TNFRSF10B: variants seen among roughly 807,000 people sequenced by gnomAD.
The protein encoded by TNFRSF10B is tumor necrosis factor receptor superfamily member 10B.
Under a neutral mutation model 41.4 loss-of-function variants are expected in TNFRSF10B, and 35 were observed. The observed-to-expected ratio is 0.85, with a 90% confidence interval of 0.65 to 1.12. The LOEUF (loss-of-function observed/expected upper bound fraction) is 1.12, where lower values mean the gene tolerates loss of function less well. Among genes scored for constraint, TNFRSF10B ranks in the 50% most tolerant of loss-of-function variants. The pLI is 0.00. For synonymous variants in TNFRSF10B, 230 were observed against 215.5 expected, an observed-to-expected ratio of 1.07 and a Z score of -0.59; for missense variants, 584 against 552.7, an observed-to-expected ratio of 1.06 and a Z score of -0.57.
intron 4 of TNFRSF10B, 21 bp downstream of exon 4, chr8:23,029,589 A>G (rs1379205401): frequency 6.3e-7 from 1 of 1,596,796 alleles, no homozygotes; most frequent in Non-Finnish European, 8.5e-7. Context: ...AGCTACTGGG[A>G]GCCCCCGGCT....
intron 1 of TNFRSF10B, among the ~76,000 whole-genome samples, chr8:23,060,472 C>T (rs2128820811): frequency 6.6e-6 from 1 of 152,248 alleles, no homozygotes; most frequent in South Asian, 2.1e-4. Context: ...TTATTTCTGG[C>T]TCCTCTATTC....
intron 7 of TNFRSF10B, among the ~76,000 whole-genome samples, chr8:23,026,560 G>C (rs115589841): frequency 6.6e-6 from 1 of 152,132 alleles, no homozygotes; most frequent in Non-Finnish European, 1.5e-5. Flanking sequence ...TCTTATGTTC[G>C]AGGGAAGGAC....
chr8:23,022,288 A>G lies in TNFRSF10B; in HGVS notation c.*383T>C. The G allele has an allele frequency of 2.2e-6, 1 of 456,144 alleles. No individual in the cohort carries two copies. The highest frequency in any genetic ancestry group is 1.6e-5 in the South Asian group (1 of 64,488). 28.3% of individuals were successfully genotyped at this position (456,144 alleles called of 1,614,324 possible). On this transcript the variant is annotated 3_prime_UTR_variant, in exon 9 of 9. Coordinates refer to ENST00000276431, the MANE Select transcript of TNFRSF10B (RefSeq NM_003842.5). Reference sequence around the variant, plus strand: ...CCCACCCAAAAAAGGTTCATATCATATAGTATCAAGTGAAGTCGGACAACG... The same window carrying G: ...CCCACCCAAAAAAGGTTCATATCATGTAGTATCAAGTGAAGTCGGACAACG...
At position 23,020,403 on chromosome 8, in the gene TNFRSF10B, AAAGAATAG is replaced by A. The variant is rs1811476074; in HGVS notation, c.*2260_*2267del. ...TCATGTCGTCAGGAAGCTTACTTTA[AAAGAATAG>A]CTTGGCCTGGCTGGTGGCTCACGCC... is the stretch of plus-strand genomic sequence containing the variant. On this transcript the variant is annotated 3_prime_UTR_variant, in exon 9 of 9. Coordinates refer to ENST00000276431, the MANE Select transcript of TNFRSF10B (RefSeq NM_003842.5). The A allele has an allele frequency of 2.2e-6, 1 of 454,008 alleles. No homozygotes were observed. Among genetic ancestry groups the A allele is most frequent in the Non-Finnish European group, 4.4e-6 (1 of 226,804 alleles). 28.1% of individuals were successfully genotyped at this position (454,008 alleles called of 1,614,324 possible).
intron 1 of TNFRSF10B, among the ~76,000 whole-genome samples, chr8:23,049,205 G>C (rs1484158383): frequency 6.6e-6 from 1 of 152,150 alleles, no homozygotes; most frequent in Non-Finnish European, 1.5e-5. Context: ...TACTGACTGA[G>C]TGGTTAAGTT....
intron 1 of TNFRSF10B, among the ~76,000 whole-genome samples, chr8:23,048,477 G>A (rs1167061766): frequency 6.7e-6 from 1 of 149,602 alleles, no homozygotes; most frequent in Non-Finnish European, 1.5e-5. Flanking sequence ...CAGAAGCAGA[G>A]AATAGAATGG....
rs1563310598 is a variant in TNFRSF10B at position 23,033,620 on chromosome 8, A to AAAAAAAAG, written c.251-2749_251-2748insCTTTTTTT. On this transcript the variant is annotated intron_variant, in intron 2 of 8. Coordinates refer to ENST00000276431, the MANE Select transcript of TNFRSF10B (RefSeq NM_003842.5). Reference sequence around the variant, plus strand: ...AAAAAAAAAAAAAAAAAAAAAAAAAAAGAACCCTGGAAAAGGTAACTATTT... The same window carrying AAAAAAAAG: ...AAAAAAAAAAAAAAAAAAAAAAAAAAAAAAAAAGAGAACCCTGGAAAAGGTAACTATTT... Among the ~76,000 whole-genome samples, 14 of 107,754 alleles carry AAAAAAAAG rather than the reference A, an allele frequency of 1.3e-4. 2 individuals are homozygous for AAAAAAAAG. The highest frequency in any genetic ancestry group is 4.4e-4 in the African/African-American group (14 of 31,798). 70.7% of individuals were successfully genotyped at this position (107,754 alleles called of 152,430 possible).
At chr8:23,047,298 C>T (rs373880342) in intron 1 of TNFRSF10B, among the ~76,000 whole-genome samples, 10 of 148,108 alleles carry the variant, frequency 6.8e-5, no homozygotes, top group African/African-American at 1.7e-4. Flanking sequence ...TGGAGGTTGC[C>T]GTGAGTCAAG....
intron 2 of TNFRSF10B, among the ~76,000 whole-genome samples, chr8:23,036,327 G>A (rs1225141957): frequency 3.9e-5 from 6 of 152,182 alleles, no homozygotes; most frequent in African/African-American, 1.4e-4. Flanking sequence ...GAAGGCACAA[G>A]AAAGTTACAT....
chr8:23,020,685 CTGT>C lies in TNFRSF10B; in HGVS notation c.*1983_*1985del. On this transcript the variant is annotated 3_prime_UTR_variant, in exon 9 of 9. Transcript: ENST00000276431. ...CCAGCCTGGGCGAGAGAGTGAGATT[CTGT>C]CTCAAAAAAATTAAAAATAAAAGAA... 2.2e-6 allele frequency: 1 copy of C among 453,886 alleles called. No individual in the cohort carries two copies. The highest frequency in any genetic ancestry group is 6.9e-5 in the East Asian group (1 of 14,390). 28.1% of individuals were successfully genotyped at this position (453,886 alleles called of 1,614,324 possible). A position where few individuals can be genotyped will look rare whatever the true frequency, so the allele number is the denominator to read the frequency against.
intron 5 of TNFRSF10B, 31 bp downstream of exon 5, chr8:23,028,300 C>T (rs1245294452): frequency 1.2e-6 from 2 of 1,613,196 alleles, no homozygotes; most frequent in Non-Finnish European, 8.5e-7. Context: ...GCAGAGAGTG[C>T]CCTGTGCCCC....
In TNFRSF10B at chr8:23,022,540, G is replaced by T. The variant is rs1042090058; in HGVS notation, c.*131C>A. On this transcript the variant is annotated 3_prime_UTR_variant, in exon 9 of 9. Transcript: ENST00000276431. ...GATGTTCCATCCACTGGGTGATGTTGGATGGGAGAGTTTCTTCCAGTACCG... is the reference window on the plus strand; with the variant it reads ...GATGTTCCATCCACTGGGTGATGTTTGATGGGAGAGTTTCTTCCAGTACCG... 2 of 947,430 alleles carry T rather than the reference G, an allele frequency of 2.1e-6. No individual in the cohort carries two copies. The highest frequency in any genetic ancestry group is 1.6e-5 in the African/African-American group (1 of 61,858). 58.7% of individuals were successfully genotyped at this position (947,430 alleles called of 1,614,324 possible).
chr8:23,023,120 A>C (rs569335800), intron 8 of TNFRSF10B, 136 bp from the exon 9 acceptor site: 56 of 1,121,146 alleles, frequency 5.0e-5, no homozygotes, highest in South Asian at 2.8e-4. Flanking sequence ...TCCAGTGCCC[A>C]CCCGCTTCCC....
chr8:23,027,714 C>A lies in TNFRSF10B; in HGVS notation c.780+8G>T. ...CTGAGCCCCCAGCTCCTGGAGAAAT[C>A]AACTCACTCTGTCCACACGCTCAGG... On this transcript the variant is annotated splice_region_variant and intron_variant, in intron 6 of 8. Coordinates refer to ENST00000276431, the MANE Select transcript of TNFRSF10B (RefSeq NM_003842.5). 1 of 1,614,080 alleles carries A rather than the reference C, an allele frequency of 6.2e-7. No homozygotes were observed. Among genetic ancestry groups the A allele is most frequent in the Non-Finnish European group, 8.5e-7 (1 of 1,179,998 alleles).
In TNFRSF10B at chr8:23,057,676, G is replaced by A. The variant is rs907092501; in HGVS notation, c.144+11075C>T. ...TGAACTCCTGACCTCAGGTGAATCCGCCTACCTTGGCCTCCCAAAGTGCTG... is the reference window on the plus strand; with the variant it reads ...TGAACTCCTGACCTCAGGTGAATCCACCTACCTTGGCCTCCCAAAGTGCTG... On this transcript the variant is annotated intron_variant, in intron 1 of 8. Transcript: ENST00000276431. Among the ~76,000 whole-genome samples, 11 of 150,674 alleles carry A rather than the reference G, an allele frequency of 7.3e-5. 1 individual carries two copies. The highest frequency in any genetic ancestry group is 2.0e-4 in the East Asian group (1 of 5,010).
chr8:23,042,605 A>G (rs1394980182), intron 2 of TNFRSF10B, among the ~76,000 whole-genome samples: 1 of 152,214 alleles, frequency 6.6e-6, no homozygotes, highest in African/African-American at 2.4e-5. Flanking sequence ...CTCAAGATGT[A>G]CATCCGATGC....
intron 1 of TNFRSF10B, among the ~76,000 whole-genome samples, chr8:23,058,260 A>G (rs1190235417): frequency 6.6e-6 from 1 of 152,098 alleles, no homozygotes; most frequent in African/African-American, 2.4e-5. Flanking sequence ...AAAAAATTCC[A>G]TCTCTTATAA....
At chr8:23,037,569 C>G (rs1812061326) in intron 2 of TNFRSF10B, among the ~76,000 whole-genome samples, 1 of 152,242 alleles carries the variant, frequency 6.6e-6, no homozygotes, top group Non-Finnish European at 1.5e-5. Context: ...ATTCACACAG[C>G]ATTGCTTCTG....
chr8:23,055,477 C>A (rs1812636752), intron 1 of TNFRSF10B, among the ~76,000 whole-genome samples: 1 of 145,560 alleles, frequency 6.9e-6, no homozygotes, highest in African/African-American at 2.5e-5. Context: ...TCCATCACAA[C>A]TGTTTCAGTA....
Sources: allele counts gnomAD v4.1 joint callset (sites outside exome capture counted in the v4.1 genomes callset), GRCh38; gene constraint gnomAD v4.1.1; transcripts MANE v1.5; gene names NCBI Gene and HGNC (gene_info 2026-07-23, HGNC 2026-07-21).